SLC24A3: variants seen among roughly 807,000 people sequenced by gnomAD.
SLC24A3 encodes the protein solute carrier family 24 member 3.
Under a neutral mutation model 75.8 loss-of-function variants are expected in SLC24A3, and 28 were observed. The ratio of observed to expected loss-of-function variants is 0.37; its 90% CI spans 0.27 to 0.51. The LOEUF (loss-of-function observed/expected upper bound fraction) is 0.51. Ranked by LOEUF, SLC24A3 falls within the 20% of genes least tolerant of loss-of-function variation. The probability of loss-of-function intolerance (pLI) is 0.94; values close to 1 mark genes in which losing one functional copy is unlikely to be tolerated. For synonymous variants in SLC24A3, 372 were observed against 334.1 expected (o/e 1.11, Z -1.24); for missense variants, 663 against 847.8 (o/e 0.78, Z 2.71).
At chr20:19,272,657 C>A (rs902704338) in intron 1 of SLC24A3, among the ~76,000 whole-genome samples, 2 of 152,178 alleles carry the variant, frequency 1.3e-5, no homozygotes, top group Non-Finnish European at 2.9e-5. Flanking sequence ...AAACTTAATC[C>A]CCAGGTCAAG....
At chr20:19,710,202 T>C (rs2122164594) in intron 15 of SLC24A3, among the ~76,000 whole-genome samples, 1 of 152,298 alleles carries the variant, frequency 6.6e-6, no homozygotes, top group East Asian at 1.9e-4. Flanking sequence ...AATTTGTTGG[T>C]TGGGTCAAGC....
intron 3 of SLC24A3, among the ~76,000 whole-genome samples, chr20:19,546,341 C>T (rs1224650977): frequency 6.6e-6 from 1 of 152,144 alleles, no homozygotes; most frequent in East Asian, 1.9e-4. Context: ...TGAGACAAGG[C>T]TTTGCAGTGA....
At chr20:19,465,303 G>A (rs1228468055) in intron 2 of SLC24A3, among the ~76,000 whole-genome samples, 1 of 151,988 alleles carries the variant, frequency 6.6e-6, no homozygotes. Flanking sequence ...ATCATTGATA[G>A]CCAAGGAAGT....
At chr20:19,439,522 C>A (rs1987264111) in intron 2 of SLC24A3, among the ~76,000 whole-genome samples, 1 of 152,142 alleles carries the variant, frequency 6.6e-6, no homozygotes, top group Non-Finnish European at 1.5e-5. Context: ...ATTTATATCC[C>A]ATGTAACTCC....
At chr20:19,622,335 T>C (rs141244976) in intron 6 of SLC24A3, among the ~76,000 whole-genome samples, 58 of 152,260 alleles carry the variant, frequency 3.8e-4, no homozygotes, top group African/African-American at 1.4e-3. Context: ...TCAAAGTCTA[T>C]GGAGAAGGAG....
intron 1 of SLC24A3, among the ~76,000 whole-genome samples, chr20:19,220,206 G>A (rs1162951731): frequency 1.3e-5 from 2 of 152,294 alleles, no homozygotes; most frequent in East Asian, 3.9e-4. Flanking sequence ...ATGAAATCTA[G>A]TAATCGTTTT....
intron 3 of SLC24A3, among the ~76,000 whole-genome samples, chr20:19,563,778 A>G (rs1215457904): frequency 1.3e-5 from 2 of 152,310 alleles, no homozygotes; most frequent in East Asian, 3.9e-4. Flanking sequence ...GAATGCAAAA[A>G]TCTTGATAAT....
In SLC24A3 at chr20:19,529,556, T is replaced by C. The variant is rs188258529; in HGVS notation, c.348+13992T>C. On this transcript the variant is annotated intron_variant, in intron 3 of 16. Transcript: ENST00000328041. The stretch of plus-strand genomic sequence containing the variant: ...CATGGCAAGAGCTCACTGATGGATC[T>C]CACCTTCACATCCATATTCCATGTG... 6.6e-5 allele frequency among the ~76,000 whole-genome samples: 10 copies of C among 152,328 alleles called. No homozygotes were observed. In the East Asian group the frequency reaches 1.9e-3, roughly 30 times the overall value.
At chr20:19,474,741 A>G (rs1987933667) in intron 2 of SLC24A3, among the ~76,000 whole-genome samples, 1 of 152,214 alleles carries the variant, frequency 6.6e-6, no homozygotes, top group Non-Finnish European at 1.5e-5. Context: ...TGTGGTAAGA[A>G]CATTTAAGAT....
intron 2 of SLC24A3, among the ~76,000 whole-genome samples, chr20:19,375,259 G>A (rs1272200587): frequency 6.6e-6 from 1 of 152,208 alleles, no homozygotes; most frequent in Non-Finnish European, 1.5e-5. Context: ...TCCTTAGGGA[G>A]AAGGCAGGCT....
In SLC24A3 at chr20:19,693,295, GGCC is replaced by G. The variant is rs770249424; in HGVS notation, c.1364_1366del (p.Pro455del). 6.2e-7 allele frequency: 1 copy of G among 1,613,784 alleles called. No individual in the cohort carries two copies. The highest frequency in any genetic ancestry group is 1.1e-5 in the South Asian group (1 of 91,046). On this transcript the variant is annotated inframe_deletion, in exon 13 of 17. Coordinates refer to ENST00000328041, the MANE Select transcript of SLC24A3 (RefSeq NM_020689.4). Reference sequence around the variant, plus strand: ...GAAACAGTGAAATGGGCGTTCACCTGGCCGCTGAGTTTCGTCTTATACTTCACT... The same window carrying G: ...GAAACAGTGAAATGGGCGTTCACCTGGCTGAGTTTCGTCTTATACTTCACT...
chr20:19,531,771 C>A (rs780764536), intron 3 of SLC24A3, among the ~76,000 whole-genome samples: 5 of 152,160 alleles, frequency 3.3e-5, no homozygotes, highest in South Asian at 2.1e-4. Flanking sequence ...AAGGTATGAA[C>A]TGGGAAACGT....
At chr20:19,698,516 G>A (rs2032836695) in intron 14 of SLC24A3, 52 bp from the exon 15 acceptor site, 1 of 1,426,190 alleles carries the variant, frequency 7.0e-7, no homozygotes, top group South Asian at 1.2e-5. Context: ...AGAGTCCTGT[G>A]TGGGGCCCCT....
At chr20:19,421,623 G>A (rs1986919327) in intron 2 of SLC24A3, among the ~76,000 whole-genome samples, 1 of 152,190 alleles carries the variant, frequency 6.6e-6, no homozygotes, top group African/African-American at 2.4e-5. Context: ...AGCTAAAGAT[G>A]TGGATCCTTA....
chr20:19,239,419 G>A (rs1040228338), intron 1 of SLC24A3, among the ~76,000 whole-genome samples: 11 of 152,240 alleles, frequency 7.2e-5, no homozygotes, highest in Admixed American at 4.6e-4. Flanking sequence ...AGGTGGGCTA[G>A]GAGATGGGGA....
intron 3 of SLC24A3, among the ~76,000 whole-genome samples, chr20:19,554,722 GC>G (rs1458537027): frequency 6.6e-6 from 1 of 152,168 alleles, no homozygotes; most frequent in African/African-American, 2.4e-5. Context: ...TACATCAGGG[GC>G]TCCAGAGGCA....
intron 2 of SLC24A3, among the ~76,000 whole-genome samples, chr20:19,391,859 A>G (rs1247991326): frequency 6.6e-6 from 1 of 152,174 alleles, no homozygotes; most frequent in Non-Finnish European, 1.5e-5. Flanking sequence ...TTGTGTCTAT[A>G]AAGAGACATT....
chr20:19,463,204 C>T (rs528614732), intron 2 of SLC24A3, among the ~76,000 whole-genome samples: 140 of 152,318 alleles, frequency 9.2e-4, no homozygotes, highest in Non-Finnish European at 1.4e-3. Flanking sequence ...TCTTATGAGG[C>T]ACTCACGTGA....
intron 3 of SLC24A3, among the ~76,000 whole-genome samples, chr20:19,546,186 A>AAACCAGGT (rs1600274983): frequency 2.1e-5 from 3 of 143,450 alleles, no homozygotes; most frequent in East Asian, 4.1e-4. Context: ...AAAAAAAAAA[A>AAACCAGGT]AACCAGGTAA....
Sources: allele counts gnomAD v4.1 joint callset (sites outside exome capture counted in the v4.1 genomes callset), GRCh38; gene constraint gnomAD v4.1.1; transcripts MANE v1.5; gene names NCBI Gene and HGNC (gene_info 2026-07-23, HGNC 2026-07-21).